UNC13C: variants seen among roughly 807,000 people sequenced by gnomAD.
UNC13C encodes unc-13 homolog C, also known as protein unc-13 homolog C.
Under a neutral mutation model 245.4 loss-of-function variants are expected in UNC13C, and 174 were observed. The observed-to-expected ratio is 0.71, with a 90% CI of 0.63 to 0.80. The LOEUF (loss-of-function observed/expected upper bound fraction) is 0.80. Ranked by LOEUF, UNC13C falls within the 30% of genes least tolerant of loss-of-function variation. UNC13C has a pLI of 0.00. For synonymous variants in UNC13C, 992 were observed against 895.1 expected (o/e 1.11, Z -1.93); for missense variants, 2,829 against 2,602.9 (o/e 1.09, Z -1.89).
chr15:53,841,382 T>A, the UNC13C span, among the ~76,000 whole-genome samples: 1 of 152,080 alleles, frequency 6.6e-6, no homozygotes, highest in East Asian at 1.9e-4. Context: ...AAAGCAAGGC[T>A]AAAAAAATAC....
At chr15:54,007,975 T>A (rs1330518074) in intron 1 of UNC13C, among the ~76,000 whole-genome samples, 1 of 152,176 alleles carries the variant, frequency 6.6e-6, no homozygotes, top group Non-Finnish European at 1.5e-5. Context: ...CACCTGGGTA[T>A]TTAGTACTTT....
chr15:54,074,547 T>C (rs534989960), intron 2 of UNC13C, among the ~76,000 whole-genome samples: 1 of 152,306 alleles, frequency 6.6e-6, no homozygotes, highest in East Asian at 1.9e-4. Context: ...TCCTCCTGTC[T>C]CATTTCATTG....
intron 19 of UNC13C, among the ~76,000 whole-genome samples, chr15:54,442,079 C>G (rs1028932658): frequency 1.3e-5 from 2 of 151,780 alleles, no homozygotes; most frequent in Non-Finnish European, 2.9e-5. Context: ...CTGATAGAGT[C>G]TTTTATTCTT....
the UNC13C span, among the ~76,000 whole-genome samples, chr15:53,904,966 C>A: frequency 2.6e-5 from 4 of 152,028 alleles, no homozygotes; most frequent in African/African-American, 7.2e-5. Context: ...TTTTTTAAAT[C>A]TCTCTAAGGA....
At chr15:54,479,165 T>A (rs1337808818) in intron 19 of UNC13C, among the ~76,000 whole-genome samples, 1 of 152,090 alleles carries the variant, frequency 6.6e-6, no homozygotes, top group African/African-American at 2.4e-5. Flanking sequence ...GCTTCAATAA[T>A]CACGGGGATT....
chr15:54,552,285 TTA>T (rs1254745010), intron 28 of UNC13C, among the ~76,000 whole-genome samples: 1 of 132,224 alleles, frequency 7.6e-6, no homozygotes, highest in Non-Finnish European at 1.6e-5. Context: ...AAATTATGTA[TTA>T]TATATAATTA....
At chr15:53,971,274 G>A in the UNC13C span, among the ~76,000 whole-genome samples, 2 of 152,224 alleles carry the variant, frequency 1.3e-5, no homozygotes, top group Admixed American at 6.5e-5. Context: ...GGATGCTTAC[G>A]TTACACCATG....
intron 18 of UNC13C, among the ~76,000 whole-genome samples, chr15:54,412,085 A>T (rs1210440095): frequency 6.6e-6 from 1 of 152,142 alleles, no homozygotes; most frequent in Non-Finnish European, 1.5e-5. Context: ...GCACACCTGT[A>T]GTCCCAGCTA....
chr15:54,611,876 T>A (rs1900119894), intron 30 of UNC13C, among the ~76,000 whole-genome samples: 1 of 152,136 alleles, frequency 6.6e-6, no homozygotes, highest in Admixed American at 6.6e-5. Context: ...TTTAAATGCT[T>A]CATCAGGCTT....
At chr15:53,959,274 T>C in the UNC13C span, among the ~76,000 whole-genome samples, 1 of 152,114 alleles carries the variant, frequency 6.6e-6, no homozygotes, top group African/African-American at 2.4e-5. Context: ...ATCTCTTAGA[T>C]ATACTGTTTT....
At chr15:54,391,888 C>A (rs1004313049) in intron 17 of UNC13C, among the ~76,000 whole-genome samples, 4 of 152,068 alleles carry the variant, frequency 2.6e-5, no homozygotes, top group Middle Eastern at 3.2e-3. Context: ...GGTTACATAT[C>A]ATGATTTGCA....
intron 1 of UNC13C, among the ~76,000 whole-genome samples, chr15:54,007,021 A>C (rs1895169844): frequency 6.6e-6 from 1 of 152,214 alleles, no homozygotes; most frequent in Non-Finnish European, 1.5e-5. Flanking sequence ...TGAGTCAGCT[A>C]CTTTTCAAAT....
chr15:54,316,806 G>A (rs866197932), intron 13 of UNC13C, among the ~76,000 whole-genome samples: 13 of 151,916 alleles, frequency 8.6e-5, no homozygotes, highest in African/African-American at 3.1e-4. Flanking sequence ...GGCCTTTGGA[G>A]GATTGCCCTG....
intron 13 of UNC13C, chr15:54,321,050 C>G (rs1050818850): frequency 4.5e-5 from 21 of 468,954 alleles, no homozygotes; most frequent in Non-Finnish European, 7.5e-5. Flanking sequence ...GTTGTTATTC[C>G]CCCGAAACCG....
At chr15:54,541,642 G>A (rs1324309808) in intron 26 of UNC13C, among the ~76,000 whole-genome samples, 1 of 152,084 alleles carries the variant, frequency 6.6e-6, no homozygotes, top group Non-Finnish European at 1.5e-5. Context: ...CTTCACTTCC[G>A]TGGACAAGTA....
chr15:54,402,409 A>T (rs888705980), intron 18 of UNC13C, among the ~76,000 whole-genome samples: 1 of 152,158 alleles, frequency 6.6e-6, no homozygotes, highest in Admixed American at 6.5e-5. Flanking sequence ...ACCAATAATT[A>T]TACTAATTTA....
chr15:54,538,143 A>AAAAAAAAAAAAAAAAAAAAAAAC (rs1896072488), intron 26 of UNC13C, among the ~76,000 whole-genome samples: 1 of 141,500 alleles, frequency 7.1e-6, no homozygotes, highest in Non-Finnish European at 1.5e-5. Context: ...CAAAAAAAAA[A>AAAAAAAAAAAAAAAAAAAAAAAC]AAAAAAAAAA....
chr15:54,319,260 T>C (rs1172634303), intron 13 of UNC13C, among the ~76,000 whole-genome samples: 7 of 151,452 alleles, frequency 4.6e-5, no homozygotes, highest in African/African-American at 1.5e-4. Context: ...CCTGTGATTT[T>C]AGTCTGACAA....
intron 4 of UNC13C, among the ~76,000 whole-genome samples, chr15:54,158,096 C>G (rs2032827200): frequency 6.6e-6 from 1 of 152,162 alleles, no homozygotes. Context: ...GACAAAGAGA[C>G]AAGGAAGAGA....
Sources: allele counts gnomAD v4.1 joint callset (sites outside exome capture counted in the v4.1 genomes callset), GRCh38; gene constraint gnomAD v4.1.1; transcripts MANE v1.5; gene names NCBI Gene and HGNC (gene_info 2026-07-23, HGNC 2026-07-21).